RARS2: variants seen among roughly 807,000 people sequenced by gnomAD.
RARS2 encodes arginyl-tRNA synthetase 2, mitochondrial.
RARS2 carries 67 observed loss-of-function variants against 88.5 expected under a neutral mutation model. The observed-to-expected ratio is 0.76, with a 90% confidence interval of 0.62 to 0.93. The LOEUF is 0.93. RARS2 is among the 40% of genes least tolerant of loss of function. RARS2 has a pLI of 0.00. For missense variants in RARS2, 664 were observed against 684.2 expected (o/e 0.97, Z 0.33); for synonymous variants, 239 against 230.3 (o/e 1.04, Z -0.34).
intron 4 of RARS2, among the ~76,000 whole-genome samples, chr6:87,560,630 G>A (rs1462853969): frequency 6.6e-6 from 1 of 152,318 alleles, no homozygotes; most frequent in African/African-American, 2.4e-5. Flanking sequence ...AGGGCACGGT[G>A]GCTCACGCCT....
intron 2 of RARS2, chr6:87,564,516 A>C (rs112640276): frequency 0.01 from 4,003 of 389,422 alleles, 29 homozygotes; most frequent in Non-Finnish European, 0.012. Flanking sequence ...CACACACACA[A>C]AAATTAGCCA....
intron 10 of RARS2, 71 bp downstream of exon 10, chr6:87,529,471 A>T: frequency 1.0e-6 from 1 of 991,242 alleles, no homozygotes. Flanking sequence ...TGTTGTCCTT[A>T]CTCAAAGGAT....
intron 1 of RARS2, among the ~76,000 whole-genome samples, chr6:87,580,066 T>C (rs111541924): frequency 4.0e-4 from 61 of 152,316 alleles, no homozygotes; most frequent in African/African-American, 1.3e-3. Context: ...TTCACTTGTA[T>C]TCTCACAGGT....
At chr6:87,527,748 CA>C (rs942065155) in intron 10 of RARS2, among the ~76,000 whole-genome samples, 2 of 149,936 alleles carry the variant, frequency 1.3e-5, no homozygotes, top group African/African-American at 4.9e-5. Context: ...CCACCACTAC[CA>C]AAAAAAAACC....
intron 1 of RARS2, among the ~76,000 whole-genome samples, chr6:87,582,591 T>C (rs976464607): frequency 2.0e-5 from 3 of 152,226 alleles, no homozygotes; most frequent in Non-Finnish European, 4.4e-5. Context: ...GTTATTATTA[T>C]ACAACTTGTG....
At position 87,541,051 on chromosome 6, in the gene RARS2, G is replaced by A. The variant is rs187279785; in HGVS notation, c.612+867C>T. Among the ~76,000 whole-genome samples the A allele has an allele frequency of 3.4e-3, 486 of 141,832 alleles. 3 individuals are homozygous for A. Among genetic ancestry groups the A allele is most frequent in the South Asian group, 8.7e-3 (38 of 4,350 alleles). The allele number at this position is 141,832 out of a possible 152,430, so 93.0% of individuals were successfully genotyped here. ...CAGAAAATTGAGAAATTTCTGTGTC[G>A]AATAATTATCTTGCATGTTTATTCT... On this transcript the variant is annotated intron_variant, in intron 8 of 19. Transcript: ENST00000369536.
At position 87,518,707 on chromosome 6, in the gene RARS2, C is replaced by G. The variant is rs144988947; in HGVS notation, c.1338G>C (p.Lys446Asn). ...DFKGLLLSDY[K>N]FSWDRVFQSR... is the part of the protein sequence containing the mutation. ...TCTGGAAAACACGATCCCAGCTGAA[C>G]TTGTAGTCAGATAAGAGTAAACCTT... Residue 446 changes from lysine to asparagine, a missense_variant, in exon 16 of 20, where the codon AAG becomes AAC. Transcript: ENST00000369536. The G allele has an allele frequency of 1.1e-5, 18 of 1,613,966 alleles. No homozygotes were observed. In the African/African-American group the frequency reaches 1.3e-4, roughly 12 times the overall value.
chr6:87,516,251 T>A (rs1771695471), intron 18 of RARS2, among the ~76,000 whole-genome samples: 1 of 152,116 alleles, frequency 6.6e-6, no homozygotes, highest in Admixed American at 6.5e-5. Flanking sequence ...ATTAGAAAAA[T>A]TAAGTTTTCT....
intron 7 of RARS2, 114 bp downstream of exon 7, chr6:87,545,502 A>G: frequency 7.8e-7 from 1 of 1,277,088 alleles, no homozygotes; most frequent in Middle Eastern, 2.3e-4. Flanking sequence ...AAAAAAAAAT[A>G]GGTAGGACAT....
rs189938391 is a variant in RARS2 at position 87,576,093 on chromosome 6, C to G, written c.37-6503G>C. Reference sequence around the variant, plus strand: ...GGGATTACAGGCGTGAGCCAATGCGCCCAGCTGGATAAGTCTTCTTTAAAA... The same window carrying G: ...GGGATTACAGGCGTGAGCCAATGCGGCCAGCTGGATAAGTCTTCTTTAAAA... On this transcript the variant is annotated intron_variant, in intron 1 of 19. Transcript: ENST00000369536. 2.3e-3 allele frequency among the ~76,000 whole-genome samples: 286 copies of G among 122,564 alleles called. 15 individuals are homozygous for G. The highest frequency in any genetic ancestry group is 8.3e-3 in the African/African-American group (276 of 33,260). The allele number at this position is 122,564 out of a possible 152,430, so 80.4% of individuals were successfully genotyped here.
In RARS2 at chr6:87,518,587, T is replaced by C. The variant is rs754411280; in HGVS notation, c.1415+43A>G. 26 of 1,557,192 alleles carry C rather than the reference T, an allele frequency of 1.7e-5. No individual in the cohort carries two copies. The East Asian group carries it at 5.2e-4, about 31-fold the overall frequency. On this transcript the variant is annotated intron_variant, in intron 16 of 19. Transcript: ENST00000369536. ...TTAGAATCACAGGACCTAGCCTAAG[T>C]AAGCACAGTGCAGCACAAGGTTTCC... is the stretch of plus-strand genomic sequence containing the variant.
In RARS2 at chr6:87,514,016, AAT is replaced by A. The variant is rs1770715444; in HGVS notation, c.*395_*396del. On this transcript the variant is annotated 3_prime_UTR_variant, in exon 20 of 20. Transcript: ENST00000369536. Reference sequence around the variant, plus strand: ...TTTAATACAGATTCTGACACAGAATAATAGTTTAACTTTGGCTGGGCGTGGTG... The same window carrying A: ...TTTAATACAGATTCTGACACAGAATAAGTTTAACTTTGGCTGGGCGTGGTG... Among the ~76,000 whole-genome samples, 1 of 152,226 alleles carries A rather than the reference AAT, an allele frequency of 6.6e-6. No individual in the cohort carries two copies. The highest frequency in any genetic ancestry group is 2.4e-5 in the African/African-American group (1 of 41,464).
Position 87,542,144 on chromosome 6 carries a change from C to G in RARS2, c.536-150G>C, listed in dbSNP as rs1781197259. 4.7e-6 allele frequency: 3 copies of G among 632,618 alleles called. No homozygotes were observed. In the South Asian group the frequency reaches 5.1e-5, roughly 11 times the overall value. 39.2% of individuals were successfully genotyped at this position (632,618 alleles called of 1,614,324 possible). On this transcript the variant is annotated intron_variant, in intron 7 of 19. Transcript: ENST00000369536. ...AAAACACACTTTTACCTTCTATGAC[C>G]CCATAATCTGACACAAGTCAAATTC...
chr6:87,589,640 G>A lies in RARS2; in HGVS notation c.36+282C>T, dbSNP rs1023636094. 9 of 981,450 alleles carry A rather than the reference G, an allele frequency of 9.2e-6. No homozygotes were observed. In the African/African-American group the frequency reaches 1.6e-4, roughly 17 times the overall value. The allele number at this position is 981,450 out of a possible 1,614,324, so 60.8% of individuals were successfully genotyped here. On this transcript the variant is annotated intron_variant, in intron 1 of 19. Transcript: ENST00000369536. ...TCTAATCATGGTCTAATGACTTGCC[G>A]CCACCCAGGTAAAGCATTCATAGCT...
intron 7 of RARS2, among the ~76,000 whole-genome samples, chr6:87,544,106 C>T (rs546014233): frequency 1.3e-5 from 2 of 152,168 alleles, no homozygotes; most frequent in South Asian, 2.1e-4. Flanking sequence ...ACTGCTGTAA[C>T]GAAATCCTGC....
chr6:87,573,065 T>C (rs1770288306), intron 1 of RARS2, among the ~76,000 whole-genome samples: 1 of 152,190 alleles, frequency 6.6e-6, no homozygotes, highest in African/African-American at 2.4e-5. Flanking sequence ...ACATGTATAA[T>C]TAGTTCTTGT....
At chr6:87,576,274 CTTTTTT>C (rs55999428) in intron 1 of RARS2, among the ~76,000 whole-genome samples, 4 of 80,788 alleles carry the variant, frequency 5.0e-5, no homozygotes, top group East Asian at 3.4e-4. Context: ...ACACAAATTT[CTTTTTT>C]TTTTTTTTTT....
At chr6:87,520,700 C>G (rs1391635318) in intron 12 of RARS2, among the ~76,000 whole-genome samples, 1 of 152,172 alleles carries the variant, frequency 6.6e-6, no homozygotes, top group Non-Finnish European at 1.5e-5. Flanking sequence ...ACAGGACAGC[C>G]TGGATAGTTC....
intron 10 of RARS2, among the ~76,000 whole-genome samples, chr6:87,526,763 C>T (rs538334648): frequency 3.3e-5 from 5 of 151,318 alleles, no homozygotes; most frequent in Admixed American, 1.3e-4. Context: ...CTCTGCCTCC[C>T]GGGTTCAAGT....
Sources: gnomAD v4.1 joint callset for allele counts (sites outside exome capture counted in the v4.1 genomes callset) on GRCh38, gnomAD v4.1.1 for gene constraint, MANE v1.5 for transcripts, NCBI Gene and HGNC (gene_info 2026-07-23, HGNC 2026-07-21) for gene names.